BRD10: variants seen among roughly 807,000 people sequenced by gnomAD.
BRD10 encodes uncharacterized bromodomain-containing protein 10.
At chr9:5,939,276 CATT>C in the BRD10 span, among the ~76,000 whole-genome samples, 1 of 152,006 alleles carries the variant, frequency 6.6e-6, no homozygotes, top group Non-Finnish European at 1.5e-5. Context: ...GGTTTTATAA[CATT>C]ATATGTAGTT....
the BRD10 span, among the ~76,000 whole-genome samples, chr9:5,984,390 T>C: frequency 5.3e-5 from 8 of 152,272 alleles, no homozygotes; most frequent in South Asian, 1.4e-3. Context: ...AAACTGACCA[T>C]GATAAATTAA....
the BRD10 span, among the ~76,000 whole-genome samples, chr9:5,891,560 C>T: frequency 6.6e-6 from 1 of 152,138 alleles, no homozygotes. Context: ...ATGGGGATCA[C>T]ACCTTTGAAA....
the BRD10 span, among the ~76,000 whole-genome samples, chr9:5,895,422 C>G: frequency 6.6e-6 from 1 of 151,712 alleles, no homozygotes; most frequent in Non-Finnish European, 1.5e-5. Flanking sequence ...AATCCAGATC[C>G]TGCACAATGG....
the BRD10 span, chr9:5,968,892 C>A: frequency 8.1e-6 from 13 of 1,612,946 alleles, no homozygotes; most frequent in Non-Finnish European, 1.1e-5. Flanking sequence ...CCAAGTACAG[C>A]ATCTTGAACT....
chr9:5,947,243 T>C, the BRD10 span, among the ~76,000 whole-genome samples: 11 of 152,242 alleles, frequency 7.2e-5, no homozygotes, highest in South Asian at 2.1e-3. Context: ...GGGATCTTAA[T>C]AAAACAGTTT....
the BRD10 span, among the ~76,000 whole-genome samples, chr9:5,903,337 T>G: frequency 6.6e-6 from 1 of 152,242 alleles, no homozygotes; most frequent in African/African-American, 2.4e-5. Context: ...TTATATCTAG[T>G]TAATCGAAGA....
the BRD10 span, among the ~76,000 whole-genome samples, chr9:5,975,941 G>A: frequency 6.6e-6 from 1 of 152,076 alleles, no homozygotes; most frequent in African/African-American, 2.4e-5. Flanking sequence ...TTAAGAAGAG[G>A]AACAGAGCTT....
chr9:6,008,094 C>A, the BRD10 span: 26 of 984,558 alleles, frequency 2.6e-5, no homozygotes, highest in Admixed American at 6.2e-5. Flanking sequence ...CGCACCCCGC[C>A]CGCCTGCTCT....
the BRD10 span, among the ~76,000 whole-genome samples, chr9:5,899,543 A>G: frequency 1.3e-5 from 2 of 152,182 alleles, no homozygotes; most frequent in African/African-American, 4.8e-5. Flanking sequence ...ACAAGACTCC[A>G]ATATTGGAGG....
At chr9:5,921,447 T>A in the BRD10 span, 1 of 1,613,984 alleles carries the variant, frequency 6.2e-7, no homozygotes, top group Non-Finnish European at 8.5e-7. Context: ...GGGGTTGATG[T>A]ACCACTAGGA....
the BRD10 span, among the ~76,000 whole-genome samples, chr9:5,931,606 C>G: frequency 6.6e-6 from 1 of 152,054 alleles, no homozygotes; most frequent in East Asian, 1.9e-4. Flanking sequence ...GCCTTCTTCT[C>G]TTTCTTTATG....
the BRD10 span, among the ~76,000 whole-genome samples, chr9:5,976,264 G>A: frequency 6.6e-6 from 1 of 152,126 alleles, no homozygotes; most frequent in Non-Finnish European, 1.5e-5. Flanking sequence ...TCACGTTTAT[G>A]TTAAATTTAT....
At chr9:5,942,284 G>C in the BRD10 span, among the ~76,000 whole-genome samples, 1 of 152,130 alleles carries the variant, frequency 6.6e-6, no homozygotes, top group African/African-American at 2.4e-5. Context: ...TTAGTACAAG[G>C]AGTCAGGGAA....
At chr9:5,911,234 C>T in the BRD10 span, among the ~76,000 whole-genome samples, 4 of 152,074 alleles carry the variant, frequency 2.6e-5, no homozygotes, top group Non-Finnish European at 5.9e-5. Flanking sequence ...GCAAAAGATA[C>T]GGGTCTTGTT....
At chr9:5,925,733 T>C in the BRD10 span, among the ~76,000 whole-genome samples, 1 of 152,194 alleles carries the variant, frequency 6.6e-6, no homozygotes, top group Non-Finnish European at 1.5e-5. Flanking sequence ...AAGTAATCTT[T>C]CACAGAGATC....
At chr9:5,992,563 G>A in the BRD10 span, among the ~76,000 whole-genome samples, 1 of 152,052 alleles carries the variant, frequency 6.6e-6, no homozygotes, top group Non-Finnish European at 1.5e-5. Flanking sequence ...CTCTCCCGTT[G>A]CAAAAATTCA....
chr9:5,901,772 T>G, the BRD10 span, among the ~76,000 whole-genome samples: 208 of 151,866 alleles, frequency 1.4e-3, 1 homozygote, highest in African/African-American at 4.5e-3. Flanking sequence ...TCCACCTGCC[T>G]CAGCCTCCCA....
At chr9:5,893,352 C>G in the BRD10 span, among the ~76,000 whole-genome samples, 1 of 152,182 alleles carries the variant, frequency 6.6e-6, no homozygotes, top group African/African-American at 2.4e-5. Context: ...ACAACACCCT[C>G]TTATGTGGTC....
chr9:5,919,682 A>G, the BRD10 span: 6 of 1,594,020 alleles, frequency 3.8e-6, no homozygotes, highest in East Asian at 1.1e-4. Context: ...TTTAGTCTAA[A>G]TTCAAGATGC....
Sources: gnomAD v4.1 joint callset for allele counts (sites outside exome capture counted in the v4.1 genomes callset) on GRCh38, gnomAD v4.1.1 for gene constraint, MANE v1.5 for transcripts, NCBI Gene and HGNC (gene_info 2026-07-23, HGNC 2026-07-21) for gene names.